The following DENND5A variants were observed in gnomAD, a reference collection of about 807,000 sequenced individuals.
DENND5A encodes DENN domain-containing protein 5A.
Under a neutral mutation model 140.3 loss-of-function variants are expected in DENND5A, and 64 were observed. The observed-to-expected ratio is 0.46, with a 90% CI of 0.37 to 0.56. The LOEUF (loss-of-function observed/expected upper bound fraction) is 0.56. Among genes scored for constraint, DENND5A ranks in the 20% least tolerant of loss-of-function variants. The pLI is 0.00. For synonymous variants in DENND5A, 605 were observed against 607.7 expected (o/e 1.00, Z 0.07); for missense variants, 1,292 against 1,593.8 (o/e 0.81, Z 3.22).
chr11:9,195,522 G>A (rs1287032448), intron 4 of DENND5A, among the ~76,000 whole-genome samples: 2 of 152,110 alleles, frequency 1.3e-5, no homozygotes, highest in Non-Finnish European at 2.9e-5. Context: ...GCTGTCATAG[G>A]AATTAAAATG....
At chr11:9,193,237 A>T (rs1010944994) in intron 5 of DENND5A, among the ~76,000 whole-genome samples, 1 of 152,222 alleles carries the variant, frequency 6.6e-6, no homozygotes, top group South Asian at 2.1e-4. Context: ...TTAAAAAGCA[A>T]AACAAAACAA....
chr11:9,159,610 G>A (rs931658952), intron 12 of DENND5A, among the ~76,000 whole-genome samples: 2 of 152,140 alleles, frequency 1.3e-5, no homozygotes, highest in Non-Finnish European at 2.9e-5. Flanking sequence ...GAGCCACTGC[G>A]CCTGGCCTGC....
chr11:9,158,858 C>T (rs1281732154), intron 12 of DENND5A, among the ~76,000 whole-genome samples: 1 of 152,134 alleles, frequency 6.6e-6, no homozygotes, highest in African/African-American at 2.4e-5. Context: ...ATTCATATTA[C>T]CATAAAATTC....
intron 13 of DENND5A, among the ~76,000 whole-genome samples, chr11:9,151,820 C>T (rs982395541): frequency 2.6e-5 from 4 of 152,180 alleles, no homozygotes; most frequent in South Asian, 2.1e-4. Context: ...TCTCCAGACT[C>T]GTTTCCTCCT....
intron 1 of DENND5A, among the ~76,000 whole-genome samples, chr11:9,240,371 G>A (rs570137225): frequency 6.6e-6 from 1 of 152,152 alleles, no homozygotes; most frequent in East Asian, 1.9e-4. Flanking sequence ...CTCCACCCTG[G>A]GCGACAAGAG....
intron 4 of DENND5A, among the ~76,000 whole-genome samples, chr11:9,201,924 A>G (rs895677060): frequency 6.6e-6 from 1 of 152,194 alleles, no homozygotes; most frequent in African/African-American, 2.4e-5. Flanking sequence ...CAGTTAAGAA[A>G]CCACAGACAC....
Position 9,145,661 on chromosome 11 carries a change from A to G in DENND5A, c.3003+9T>C. Reference sequence around the variant, plus strand: ...TCCCCACAGAGCTGTGGCCCCAAATAACACATACCTCGAAGGTCATCTCTA... The same window carrying G: ...TCCCCACAGAGCTGTGGCCCCAAATGACACATACCTCGAAGGTCATCTCTA... On this transcript the variant is annotated intron_variant, in intron 17 of 22. Coordinates refer to ENST00000328194, the MANE Select transcript of DENND5A (RefSeq NM_015213.4). 6.2e-7 allele frequency: 1 copy of G among 1,614,006 alleles called. No individual in the cohort carries two copies. The highest frequency in any genetic ancestry group is 8.5e-7 in the Non-Finnish European group (1 of 1,179,954).
chr11:9,258,104 C>A (rs1231662022), intron 1 of DENND5A, among the ~76,000 whole-genome samples: 6 of 152,096 alleles, frequency 3.9e-5, no homozygotes, highest in Non-Finnish European at 8.8e-5. Flanking sequence ...ACACACAGTA[C>A]ACACAGTATT....
At chr11:9,196,009 G>A (rs1849314323) in intron 4 of DENND5A, among the ~76,000 whole-genome samples, 1 of 152,160 alleles carries the variant, frequency 6.6e-6, no homozygotes, top group South Asian at 2.1e-4. Context: ...TTGGAGTGCA[G>A]TGGCGCAATC....
At chr11:9,218,748 G>A (rs955967636) in intron 1 of DENND5A, among the ~76,000 whole-genome samples, 13 of 152,124 alleles carry the variant, frequency 8.5e-5, no homozygotes, top group African/African-American at 2.9e-4. Context: ...GCTCACGCCT[G>A]TAATCCCAGC....
chr11:9,186,171 A>AAG (rs10632188), intron 5 of DENND5A, among the ~76,000 whole-genome samples: 7,692 of 152,244 alleles, frequency 0.051, 639 homozygotes, highest in African/African-American at 0.17. Flanking sequence ...CAAAGACTGT[A>AAG]AGAATCACTT....
chr11:9,237,481 C>T (rs1189474218), intron 1 of DENND5A, among the ~76,000 whole-genome samples: 4 of 152,152 alleles, frequency 2.6e-5, no homozygotes. Flanking sequence ...AGCGGTAACA[C>T]TTTATTACAG....
At chr11:9,260,359 C>T (rs962072521) in intron 1 of DENND5A, among the ~76,000 whole-genome samples, 37 of 152,142 alleles carry the variant, frequency 2.4e-4, no homozygotes, top group African/African-American at 7.7e-4. Flanking sequence ...ACAGTAAAAC[C>T]TTCTCCTGGG....
chr11:9,165,071 C>T (rs1848141347), intron 11 of DENND5A, among the ~76,000 whole-genome samples: 1 of 152,190 alleles, frequency 6.6e-6, no homozygotes, highest in Non-Finnish European at 1.5e-5. Context: ...GCGATCTCGG[C>T]TCACTGCAAC....
intron 4 of DENND5A, among the ~76,000 whole-genome samples, chr11:9,194,167 G>C (rs1849237116): frequency 6.6e-6 from 1 of 152,214 alleles, no homozygotes; most frequent in Non-Finnish European, 1.5e-5. Flanking sequence ...GAACCACCAA[G>C]CATGCAGAAG....
chr11:9,246,983 C>T (rs374667411), intron 1 of DENND5A, among the ~76,000 whole-genome samples: 7 of 152,138 alleles, frequency 4.6e-5, no homozygotes, highest in South Asian at 2.1e-4. Flanking sequence ...GTAATCCCAG[C>T]ACTCTGGGAG....
chr11:9,262,739 A>AT (rs1366753723), intron 1 of DENND5A, among the ~76,000 whole-genome samples: 5 of 20,244 alleles, frequency 2.5e-4, no homozygotes, highest in African/African-American at 3.2e-4. Flanking sequence ...TCATCAAAAT[A>AT]ATTTTTTTTT....
intron 8 of DENND5A, chr11:9,171,313 T>A (rs1407866235): frequency 6.5e-6 from 1 of 153,506 alleles, no homozygotes; most frequent in Non-Finnish European, 1.4e-5. Context: ...CTGGGAATAA[T>A]GCCTGTCCCC....
intron 5 of DENND5A, among the ~76,000 whole-genome samples, chr11:9,193,041 A>G (rs1849193726): frequency 6.6e-6 from 1 of 152,064 alleles, no homozygotes; most frequent in Non-Finnish European, 1.5e-5. Context: ...CCTGGGCAAC[A>G]TGGTGAGACC....
Sources: gnomAD v4.1 joint callset for allele counts (sites outside exome capture counted in the v4.1 genomes callset) on GRCh38, gnomAD v4.1.1 for gene constraint, MANE v1.5 for transcripts, NCBI Gene and HGNC (gene_info 2026-07-23, HGNC 2026-07-21) for gene names.